PLEKHA5: variants seen among roughly 807,000 people sequenced by gnomAD.
PLEKHA5 encodes the protein pleckstrin homology domain containing A5.
In PLEKHA5, 55 loss-of-function variants were observed where a neutral mutation model predicts 181.9. The ratio of observed to expected loss-of-function variants is 0.30; its 90% CI spans 0.24 to 0.38. The LOEUF (loss-of-function observed/expected upper bound fraction) is 0.38. PLEKHA5 is among the 10% of genes least tolerant of loss of function. The pLI, the probability that PLEKHA5 is intolerant of heterozygous loss-of-function variation, is 1.00. For synonymous variants in PLEKHA5, 535 were observed against 529.4 expected (o/e 1.01, Z -0.15); for missense variants, 1,432 against 1,549.5 (o/e 0.92, Z 1.27).
intron 14 of PLEKHA5, among the ~76,000 whole-genome samples, chr12:19,291,328 G>C (rs2078385923): frequency 6.6e-6 from 1 of 152,126 alleles, no homozygotes; most frequent in Admixed American, 6.6e-5. Flanking sequence ...TAAAGAAGTA[G>C]TACTATATTA....
chr12:19,142,137 A>G lies in PLEKHA5; in HGVS notation c.227+9687A>G, dbSNP rs373421283. On this transcript the variant is annotated intron_variant, in intron 3 of 31. Transcript: ENST00000429027. ...CACTTTGGGAGGCCGAGGCAGGAGG[A>G]TTCTTTGAAGCCAGGAGTTCAAGAC... is the stretch of plus-strand genomic sequence containing the variant. 1.4e-4 allele frequency among the ~76,000 whole-genome samples: 21 copies of G among 152,230 alleles called. 1 individual carries two copies. Among genetic ancestry groups the G allele is most frequent in the African/African-American group, 4.8e-4 (20 of 41,534 alleles).
Position 19,336,620 on chromosome 12 carries a change from CA to C in PLEKHA5, c.2550+8del. 3 of 1,497,236 alleles carry C rather than the reference CA, an allele frequency of 2.0e-6. No homozygotes were observed. The highest frequency in any genetic ancestry group is 1.1e-5 in the South Asian group (1 of 87,898). 92.7% of individuals were successfully genotyped at this position (1,497,236 alleles called of 1,614,324 possible). A position where few individuals can be genotyped will look rare whatever the true frequency, so the allele number is the denominator to read the frequency against. Reference sequence around the variant, plus strand: ...GGATCACCTTGGTGAAGTTCAGGTACAAAAGTATAATATTCTTTATATTGTT... The same window carrying C: ...GGATCACCTTGGTGAAGTTCAGGTACAAAGTATAATATTCTTTATATTGTT... On this transcript the variant is annotated splice_donor_5th_base_variant and intron_variant, in intron 21 of 31. Transcript: ENST00000429027.
At chr12:19,207,070 G>A (rs2055725011) in intron 3 of PLEKHA5, among the ~76,000 whole-genome samples, 1 of 152,006 alleles carries the variant, frequency 6.6e-6, no homozygotes, top group Admixed American at 6.6e-5. Context: ...AATATTTCAA[G>A]TGTATAAAAT....
intron 3 of PLEKHA5, among the ~76,000 whole-genome samples, chr12:19,135,178 T>C (rs139252808): frequency 6.0e-4 from 92 of 152,262 alleles, no homozygotes; most frequent in African/African-American, 2.2e-3. Context: ...AAATTATTCC[T>C]CTCCTGGACA....
intron 3 of PLEKHA5, among the ~76,000 whole-genome samples, chr12:19,143,092 G>A (rs756477923): frequency 1.2e-4 from 19 of 152,178 alleles, no homozygotes; most frequent in Non-Finnish European, 2.2e-4. Context: ...GAACATGGGA[G>A]CACAGATGTT....
At chr12:19,360,593 G>A (rs190512889) in intron 28 of PLEKHA5, among the ~76,000 whole-genome samples, 1 of 150,452 alleles carries the variant, frequency 6.6e-6, no homozygotes, top group East Asian at 2.0e-4. Flanking sequence ...AGGACAGAGT[G>A]AGATTCCGTC....
At chr12:19,275,438 C>T (rs1480005201) in intron 11 of PLEKHA5, among the ~76,000 whole-genome samples, 1 of 152,162 alleles carries the variant, frequency 6.6e-6, no homozygotes, top group Non-Finnish European at 1.5e-5. Context: ...CAGTCTTATT[C>T]TTGGGCTTTC....
At chr12:19,305,212 C>T (rs1256816211) in intron 15 of PLEKHA5, among the ~76,000 whole-genome samples, 1 of 152,134 alleles carries the variant, frequency 6.6e-6, no homozygotes, top group Non-Finnish European at 1.5e-5. Flanking sequence ...ACACAAGATC[C>T]TAGTAGATGT....
chr12:19,376,122 C>T lies in PLEKHA5; in HGVS notation c.*603C>T, dbSNP rs921655087. ...ACTGCCACACTCCTGTCAGCTTAAA[C>T]ACAAATGTTACTGCTTATCTTTTCT... On this transcript the variant is annotated 3_prime_UTR_variant, in exon 32 of 32. Coordinates refer to ENST00000429027, the MANE Select transcript of PLEKHA5 (RefSeq NM_001256470.2). 6.7e-6 allele frequency: 1 copy of T among 149,682 alleles called. No individual in the cohort carries two copies. The highest frequency in any genetic ancestry group is 2.5e-5 in the African/African-American group (1 of 40,412). The allele number at this position is 149,682 out of a possible 1,614,324, so 9.3% of individuals were successfully genotyped here. A position where few individuals can be genotyped will look rare whatever the true frequency, so the allele number is the denominator to read the frequency against.
intron 15 of PLEKHA5, chr12:19,306,707 T>C: frequency 1.4e-6 from 2 of 1,469,212 alleles, no homozygotes; most frequent in Non-Finnish European, 1.9e-6. Context: ...TTCGGTTTCC[T>C]AGGCAAGATC....
chr12:19,139,357 A>G (rs2036630952), intron 3 of PLEKHA5, among the ~76,000 whole-genome samples: 1 of 152,100 alleles, frequency 6.6e-6, no homozygotes, highest in Admixed American at 6.6e-5. Context: ...GGTGGCTAAA[A>G]TCCGACTTTC....
At chr12:19,190,278 CT>C (rs1365947898) in intron 3 of PLEKHA5, among the ~76,000 whole-genome samples, 2 of 152,182 alleles carry the variant, frequency 1.3e-5, no homozygotes, top group Non-Finnish European at 2.9e-5. Flanking sequence ...ATAATAATGC[CT>C]TTCTCTTGAA....
Position 19,369,727 on chromosome 12 carries a change from ATCG to A in PLEKHA5, c.3790_3792del (p.Ser1264del). 6.2e-7 allele frequency: 1 copy of A among 1,612,768 alleles called. No individual in the cohort carries two copies. Among genetic ancestry groups the A allele is most frequent in the Non-Finnish European group, 8.5e-7 (1 of 1,179,416 alleles). ...TGTCCCCATCTCCTGAGTCCTCGGC[ATCG>A]CCAGTTCCATCCACTCAGCCGCAGC... On this transcript the variant is annotated inframe_deletion, in exon 31 of 32. Coordinates refer to ENST00000429027, the MANE Select transcript of PLEKHA5 (RefSeq NM_001256470.2).
At chr12:19,208,899 T>A (rs573190075) in intron 3 of PLEKHA5, among the ~76,000 whole-genome samples, 1 of 152,172 alleles carries the variant, frequency 6.6e-6, no homozygotes, top group Admixed American at 6.6e-5. Context: ...AAAATTGATA[T>A]TTTGGTAGTT....
chr12:19,262,106 C>A (rs2068695261), intron 7 of PLEKHA5, among the ~76,000 whole-genome samples: 1 of 152,156 alleles, frequency 6.6e-6, no homozygotes. Flanking sequence ...AGTTGTATTT[C>A]AGGCATTATC....
chr12:19,139,062 G>A (rs35136319), intron 3 of PLEKHA5, among the ~76,000 whole-genome samples: 68 of 151,894 alleles, frequency 4.5e-4, no homozygotes, highest in Middle Eastern at 3.4e-3. Context: ...TGCCATAATT[G>A]GGTAGTTACT....
At chr12:19,173,001 CTTTCTTTTTTTTTTTTT>C (rs2046296087) in intron 3 of PLEKHA5, among the ~76,000 whole-genome samples, 1 of 35,068 alleles carries the variant, frequency 2.9e-5, no homozygotes, top group Non-Finnish European at 8.1e-5. Context: ...ACTGATTTCC[CTTTCTTTTTTTTTTTTT>C]TTTTTTTTTT....
At chr12:19,276,811 T>C (rs1166079634) in intron 11 of PLEKHA5, among the ~76,000 whole-genome samples, 1 of 152,220 alleles carries the variant, frequency 6.6e-6, no homozygotes, top group East Asian at 1.9e-4. Context: ...ATACATATGT[T>C]AATTAGCTTG....
In PLEKHA5 at chr12:19,348,536, T is replaced by A; in HGVS notation, c.3019+17T>A. ...TTGTTAAAGGTCAGCATTTGTAATA[T>A]GTTTTACCTCTTGGTTTTTGTTTTT... On this transcript the variant is annotated intron_variant, in intron 25 of 31. Transcript: ENST00000429027. 1 of 1,541,714 alleles carries A rather than the reference T, an allele frequency of 6.5e-7. No homozygotes were observed.
Sources: gnomAD v4.1 joint callset for allele counts (sites outside exome capture counted in the v4.1 genomes callset) on GRCh38, gnomAD v4.1.1 for gene constraint, MANE v1.5 for transcripts, NCBI Gene and HGNC (gene_info 2026-07-23, HGNC 2026-07-21) for gene names.